The following CCSER1 variants were observed in gnomAD, a reference collection of about 807,000 sequenced individuals.
The protein encoded by CCSER1 is serine-rich coiled-coil domain-containing protein 1.
CCSER1 carries 41 observed loss-of-function variants against 82.0 expected under a neutral mutation model. The observed-to-expected ratio is 0.50, with a 90% CI of 0.39 to 0.65. The LOEUF (loss-of-function observed/expected upper bound fraction) is 0.65. Among genes scored for constraint, CCSER1 ranks in the 30% least tolerant of loss-of-function variants. The probability of loss-of-function intolerance (pLI) is 0.00; values close to 1 mark genes in which losing one functional copy is unlikely to be tolerated. For missense variants in CCSER1, 1,119 were observed against 1,064.2 expected (o/e 1.05, Z -0.72); for synonymous variants, 414 against 383.9 (o/e 1.08, Z -0.92).
At chr4:90,962,563 G>A (rs1734149620) in intron 9 of CCSER1, among the ~76,000 whole-genome samples, 1 of 152,150 alleles carries the variant, frequency 6.6e-6, no homozygotes. Flanking sequence ...TGCTTCAGTG[G>A]CCCACATAGG....
At chr4:90,253,637 G>T (rs1352211351) in intron 1 of CCSER1, among the ~76,000 whole-genome samples, 5 of 151,934 alleles carry the variant, frequency 3.3e-5, no homozygotes, top group African/African-American at 4.8e-5. Flanking sequence ...TATTGTTGTT[G>T]TTCACTTGTT....
intron 3 of CCSER1, among the ~76,000 whole-genome samples, chr4:90,394,635 A>G (rs1751700117): frequency 6.6e-6 from 1 of 152,156 alleles, no homozygotes; most frequent in Non-Finnish European, 1.5e-5. Context: ...TGGCCTTTAT[A>G]TATTTGTTTA....
At chr4:91,422,357 G>T (rs1379549667) in intron 10 of CCSER1, among the ~76,000 whole-genome samples, 1 of 152,008 alleles carries the variant, frequency 6.6e-6, no homozygotes, top group Non-Finnish European at 1.5e-5. Context: ...ACAGCACAGG[G>T]ATCTTCTCTG....
intron 9 of CCSER1, among the ~76,000 whole-genome samples, chr4:91,079,227 C>T (rs952020959): frequency 6.6e-6 from 1 of 152,158 alleles, no homozygotes; most frequent in Non-Finnish European, 1.5e-5. Context: ...GCAGATCTCT[C>T]AGCAGAAACT....
intron 6 of CCSER1, among the ~76,000 whole-genome samples, chr4:90,709,271 C>G (rs1023782075): frequency 6.6e-6 from 1 of 151,964 alleles, no homozygotes; most frequent in Non-Finnish European, 1.5e-5. Flanking sequence ...AAATTTTTAT[C>G]TATTTCTCTT....
intron 10 of CCSER1, among the ~76,000 whole-genome samples, chr4:91,457,301 T>C (rs1213555042): frequency 3.3e-5 from 5 of 152,142 alleles, no homozygotes; most frequent in Admixed American, 2.0e-4. Flanking sequence ...TTTTTCTAAC[T>C]TGATTATCCT....
chr4:90,841,316 C>T (rs181262671), intron 8 of CCSER1, among the ~76,000 whole-genome samples: 19 of 152,220 alleles, frequency 1.2e-4, no homozygotes, highest in Admixed American at 1.2e-3. Flanking sequence ...CAGTGGCTCA[C>T]GCCTGTCATC....
rs374654610 is a variant in CCSER1 at position 91,084,056 on chromosome 4, G to A, written c.2173-1894G>A. 2.7e-4 allele frequency among the ~76,000 whole-genome samples: 41 copies of A among 152,038 alleles called. 1 individual carries two copies. Among genetic ancestry groups the A allele is most frequent in the Middle Eastern group, 3.4e-3 (1 of 294 alleles). On this transcript the variant is annotated intron_variant, in intron 9 of 10. Coordinates refer to ENST00000509176, the MANE Select transcript of CCSER1 (RefSeq NM_001145065.2). ...AGCTATTCTCCTGCCTCAGCCTCCC[G>A]AGTAGCTGGGATTATGGGCACCCAC...
chr4:90,395,355 C>CATT (rs1397269467), intron 3 of CCSER1, among the ~76,000 whole-genome samples: 56 of 152,296 alleles, frequency 3.7e-4, no homozygotes, highest in African/African-American at 1.2e-3. Context: ...TGTATTAATG[C>CATT]TAGGCATTTA....
At chr4:90,974,456 A>T (rs115819344) in intron 9 of CCSER1, among the ~76,000 whole-genome samples, 4,163 of 151,506 alleles carry the variant, frequency 0.027, 221 homozygotes, top group African/African-American at 0.095. Flanking sequence ...TGTGCTTGAA[A>T]AAAAAGAAAA....
intron 3 of CCSER1, among the ~76,000 whole-genome samples, chr4:90,319,089 C>G (rs546156747): frequency 6.6e-6 from 1 of 152,284 alleles, no homozygotes; most frequent in South Asian, 2.1e-4. Context: ...CTCAATGACA[C>G]TGTTAAATAT....
chr4:90,312,262 G>A (rs1735415871), intron 2 of CCSER1, among the ~76,000 whole-genome samples: 1 of 152,140 alleles, frequency 6.6e-6, no homozygotes, highest in Non-Finnish European at 1.5e-5. Context: ...GGAGGGGAGA[G>A]CAGGACATGA....
At chr4:91,206,689 A>G (rs370881166) in intron 10 of CCSER1, among the ~76,000 whole-genome samples, 7 of 151,990 alleles carry the variant, frequency 4.6e-5, no homozygotes, top group Admixed American at 2.0e-4. Flanking sequence ...CCACCTGCAC[A>G]GGTATATCTA....
intron 5 of CCSER1, among the ~76,000 whole-genome samples, chr4:90,587,854 G>A (rs1782206276): frequency 6.6e-6 from 1 of 152,074 alleles, no homozygotes; most frequent in Non-Finnish European, 1.5e-5. Context: ...ATCAATTTCA[G>A]GCATATGTTA....
chr4:90,968,207 A>G (rs1311791934), intron 9 of CCSER1, among the ~76,000 whole-genome samples: 2 of 151,858 alleles, frequency 1.3e-5, no homozygotes, highest in Admixed American at 6.6e-5. Context: ...AAATATTAAC[A>G]TAAAATAATA....
intron 10 of CCSER1, among the ~76,000 whole-genome samples, chr4:91,546,601 TAA>T (rs1344500180): frequency 6.6e-6 from 1 of 152,106 alleles, no homozygotes; most frequent in African/African-American, 2.4e-5. Flanking sequence ...CTTCTATTTC[TAA>T]TTTTGGTAAT....
At chr4:91,027,671 A>G (rs1278244900) in intron 9 of CCSER1, among the ~76,000 whole-genome samples, 1 of 151,996 alleles carries the variant, frequency 6.6e-6, no homozygotes, top group Non-Finnish European at 1.5e-5. Flanking sequence ...CCCACTCCAA[A>G]CACAGCATTC....
chr4:90,860,913 G>A (rs1765009693), intron 8 of CCSER1, among the ~76,000 whole-genome samples: 1 of 151,344 alleles, frequency 6.6e-6, no homozygotes, highest in Admixed American at 6.6e-5. Flanking sequence ...TTAAGGTGAG[G>A]AAAAATGTTC....
intron 5 of CCSER1, among the ~76,000 whole-genome samples, chr4:90,535,392 C>G (rs1775187447): frequency 1.3e-5 from 2 of 151,796 alleles, no homozygotes; most frequent in South Asian, 2.1e-4. Context: ...TAAGACCAGA[C>G]CGGACAACAT....
Sources: allele counts gnomAD v4.1 joint callset (sites outside exome capture counted in the v4.1 genomes callset), GRCh38; gene constraint gnomAD v4.1.1; transcripts MANE v1.5; gene names NCBI Gene and HGNC (gene_info 2026-07-23, HGNC 2026-07-21).